The following NTM variants were observed in gnomAD, a reference collection of about 807,000 sequenced individuals.
The protein encoded by NTM is IgLON family member 2.
A neutral mutation model predicts 42.1 loss-of-function variants in NTM; 13 were observed. The observed-to-expected ratio is 0.31, with a 90% CI of 0.20 to 0.49. The LOEUF (loss-of-function observed/expected upper bound fraction) is 0.49. NTM is among the 20% of genes least tolerant of loss of function. The probability of loss-of-function intolerance (pLI) is 0.99; values close to 1 mark genes in which losing one functional copy is unlikely to be tolerated. For missense variants in NTM, 373 were observed against 452.8 expected (o/e 0.82, Z 1.60); for synonymous variants, 187 against 179.2 (o/e 1.04, Z -0.35).
intron 1 of NTM, among the ~76,000 whole-genome samples, chr11:131,760,001 G>C (rs1354673549): frequency 2.0e-5 from 3 of 152,124 alleles, no homozygotes; most frequent in Non-Finnish European, 4.4e-5. Context: ...ATTATTAAAG[G>C]AGGCTGGATC....
chr11:131,605,245 G>C (rs976602127), intron 1 of NTM, among the ~76,000 whole-genome samples: 2 of 152,128 alleles, frequency 1.3e-5, no homozygotes, highest in African/African-American at 4.8e-5. Flanking sequence ...ATGTTTTATA[G>C]TTTTCAGAGT....
intron 1 of NTM, among the ~76,000 whole-genome samples, chr11:131,889,590 T>C (rs1420678663): frequency 6.6e-6 from 1 of 152,224 alleles, no homozygotes; most frequent in Admixed American, 6.5e-5. Flanking sequence ...TTAGGGTTTG[T>C]TTCAGGACTT....
In NTM at chr11:132,335,274, GGACA is replaced by G; in HGVS notation, c.*131_*134del. The G allele has an allele frequency of 9.7e-7, 1 of 1,027,566 alleles. No homozygotes were observed. Among genetic ancestry groups the G allele is most frequent in the Non-Finnish European group, 1.4e-6 (1 of 730,200 alleles). The allele number at this position is 1,027,566 out of a possible 1,614,324, so 63.7% of individuals were successfully genotyped here. A position where few individuals can be genotyped will look rare whatever the true frequency, so the allele number is the denominator to read the frequency against. Reference sequence around the variant, plus strand: ...AAATTAGAAGAAACACAGCCTCATGGGACAGAAATTTGAGGGAGGGGAACAAAGA... The same window carrying G: ...AAATTAGAAGAAACACAGCCTCATGGGAAATTTGAGGGAGGGGAACAAAGA... On this transcript the variant is annotated 3_prime_UTR_variant, in exon 9 of 9. Coordinates refer to ENST00000683400, the MANE Select transcript of NTM (RefSeq NM_001352005.2).
intron 2 of NTM, among the ~76,000 whole-genome samples, chr11:132,045,726 G>A (rs992489878): frequency 6.6e-6 from 1 of 152,124 alleles, no homozygotes; most frequent in African/African-American, 2.4e-5. Context: ...CGGGGTTGAG[G>A]TTTTCCTTTC....
intron 1 of NTM, among the ~76,000 whole-genome samples, chr11:131,394,577 A>G (rs1192111289): frequency 6.6e-6 from 1 of 152,220 alleles, no homozygotes; most frequent in Non-Finnish European, 1.5e-5. Flanking sequence ...CGAACCTTCC[A>G]GCCCCAGAAT....
intron 1 of NTM, among the ~76,000 whole-genome samples, chr11:131,871,538 C>A (rs1016308347): frequency 6.6e-6 from 1 of 152,164 alleles, no homozygotes; most frequent in African/African-American, 2.4e-5. Flanking sequence ...TAGCTATTAG[C>A]GATCAAACAT....
intron 2 of NTM, among the ~76,000 whole-genome samples, chr11:132,135,080 G>A (rs1591741910): frequency 6.6e-6 from 1 of 152,034 alleles, no homozygotes; most frequent in African/African-American, 2.4e-5. Flanking sequence ...TCCCTCGTTA[G>A]TACCTAAGCC....
intron 1 of NTM, among the ~76,000 whole-genome samples, chr11:131,630,159 C>T (rs556712180): frequency 6.6e-6 from 1 of 152,240 alleles, no homozygotes; most frequent in South Asian, 2.1e-4. Context: ...CAAAGGAGGT[C>T]GGGCCATGGT....
At chr11:131,494,272 G>A (rs1302082953) in intron 1 of NTM, among the ~76,000 whole-genome samples, 1 of 152,170 alleles carries the variant, frequency 6.6e-6, no homozygotes, top group Non-Finnish European at 1.5e-5. Context: ...TTACCAATAA[G>A]CCATGATATT....
At chr11:131,552,916 A>G (rs1421486895) in intron 1 of NTM, among the ~76,000 whole-genome samples, 1 of 152,240 alleles carries the variant, frequency 6.6e-6, no homozygotes, top group Non-Finnish European at 1.5e-5. Context: ...CGGAACGTCA[A>G]ACAGCATTGA....
intron 7 of NTM, among the ~76,000 whole-genome samples, chr11:132,320,301 G>A (rs1592003355): frequency 6.6e-6 from 1 of 152,230 alleles, no homozygotes; most frequent in African/African-American, 2.4e-5. Context: ...GACAGTGGGT[G>A]CAGGTCAGTG....
At chr11:131,507,510 T>C (rs2047636236) in intron 1 of NTM, among the ~76,000 whole-genome samples, 3 of 152,198 alleles carry the variant, frequency 2.0e-5, no homozygotes. Flanking sequence ...AGCTTTGTTC[T>C]TTTGGTTTAG....
chr11:131,727,762 A>C (rs789547), intron 1 of NTM, among the ~76,000 whole-genome samples: 24,747 of 152,126 alleles, frequency 0.16, 2,118 homozygotes, highest in Middle Eastern at 0.22. Context: ...TTTTAGGCTA[A>C]TCTGCTGTCA....
At chr11:131,745,521 C>T (rs766190363) in intron 1 of NTM, among the ~76,000 whole-genome samples, 6 of 152,142 alleles carry the variant, frequency 3.9e-5, no homozygotes, top group Non-Finnish European at 8.8e-5. Context: ...CCCATCATTC[C>T]GCCCTCATCT....
At chr11:131,612,892 C>A (rs1345864560) in intron 1 of NTM, among the ~76,000 whole-genome samples, 1 of 152,200 alleles carries the variant, frequency 6.6e-6, no homozygotes, top group Non-Finnish European at 1.5e-5. Flanking sequence ...GTCATCGCTC[C>A]CTCTGCCTCT....
At chr11:131,440,816 TAAAAAAAAAAAAAAAAAAAAAAAAAAAAA>T (rs55915027) in intron 1 of NTM, among the ~76,000 whole-genome samples, 1,827 of 42,932 alleles carry the variant, frequency 0.043, 31 homozygotes, top group Middle Eastern at 0.13. Context: ...ACAGCCTCCA[TAAAAAAAAAAAAAAAAAAAAAAAAAAAAA>T]AAAAAAAAAA....
At chr11:132,149,670 C>T (rs760596831) in intron 3 of NTM, among the ~76,000 whole-genome samples, 1 of 152,086 alleles carries the variant, frequency 6.6e-6, no homozygotes, top group Non-Finnish European at 1.5e-5. Flanking sequence ...ATGGTTATTT[C>T]TTGCAGACAG....
intron 1 of NTM, among the ~76,000 whole-genome samples, chr11:131,444,667 G>A (rs981787370): frequency 1.3e-5 from 2 of 152,224 alleles, no homozygotes; most frequent in African/African-American, 4.8e-5. Context: ...GCCTTAAGAA[G>A]TGTGGTTGTG....
intron 4 of NTM, among the ~76,000 whole-genome samples, chr11:132,273,967 T>C (rs898512512): frequency 2.1e-4 from 32 of 152,314 alleles, no homozygotes; most frequent in African/African-American, 5.5e-4. Context: ...TTCAGTAGTT[T>C]GTATCTATAT....
Sources: gnomAD v4.1 joint callset for allele counts (sites outside exome capture counted in the v4.1 genomes callset) on GRCh38, gnomAD v4.1.1 for gene constraint, MANE v1.5 for transcripts, NCBI Gene and HGNC (gene_info 2026-07-23, HGNC 2026-07-21) for gene names.